SUGCT: variants seen among roughly 807,000 people sequenced by gnomAD.
SUGCT encodes succinyl-CoA:glutarate CoA-transferase.
Under a neutral mutation model 55.0 loss-of-function variants are expected in SUGCT, and 41 were observed. The ratio of observed to expected loss-of-function variants is 0.74; its 90% CI spans 0.58 to 0.97. The LOEUF (loss-of-function observed/expected upper bound fraction) is 0.97. Among genes scored for constraint, SUGCT ranks in the 50% least tolerant of loss-of-function variants. The pLI is 0.00. For synonymous variants in SUGCT, 187 were observed against 200.4 expected, an observed-to-expected ratio of 0.93 and a Z score of 0.56; for missense variants, 568 against 547.8, an observed-to-expected ratio of 1.04 and a Z score of -0.37.
At chr7:40,480,974 T>C (rs2151488043) in intron 11 of SUGCT, among the ~76,000 whole-genome samples, 1 of 152,208 alleles carries the variant, frequency 6.6e-6, no homozygotes, top group South Asian at 2.1e-4. Context: ...TGTAGACACA[T>C]AGATATAATA....
chr7:40,235,625 C>T (rs1230056158), intron 6 of SUGCT, among the ~76,000 whole-genome samples: 1 of 152,080 alleles, frequency 6.6e-6, no homozygotes, highest in Non-Finnish European at 1.5e-5. Context: ...CCGCATCCAG[C>T]CAAAAAATTA....
intron 12 of SUGCT, among the ~76,000 whole-genome samples, chr7:40,646,027 C>T (rs2151831747): frequency 6.6e-6 from 1 of 152,256 alleles, no homozygotes; most frequent in East Asian, 1.9e-4. Flanking sequence ...CCCTTTTCAT[C>T]TTCACCACTA....
intron 6 of SUGCT, among the ~76,000 whole-genome samples, chr7:40,223,261 A>G (rs1285080012): frequency 6.6e-6 from 1 of 152,032 alleles, no homozygotes; most frequent in Non-Finnish European, 1.5e-5. Flanking sequence ...GGGTTTCACC[A>G]TATTGGTCAG....
At chr7:40,483,935 T>C (rs1791194179) in intron 11 of SUGCT, among the ~76,000 whole-genome samples, 1 of 152,224 alleles carries the variant, frequency 6.6e-6, no homozygotes, top group East Asian at 1.9e-4. Context: ...AAAATGTGTC[T>C]AGTTTCTGAC....
chr7:40,219,311 G>A (rs1405968387), intron 6 of SUGCT, among the ~76,000 whole-genome samples: 1 of 152,192 alleles, frequency 6.6e-6, no homozygotes, highest in East Asian at 1.9e-4. Context: ...AATTCTTGAA[G>A]TCAGTGAGAC....
intron 13 of SUGCT, among the ~76,000 whole-genome samples, chr7:40,773,439 A>G (rs1226848835): frequency 2.0e-5 from 3 of 152,078 alleles, no homozygotes; most frequent in Non-Finnish European, 4.4e-5. Context: ...GTATCTTTTT[A>G]TATCATATTA....
intron 8 of SUGCT, among the ~76,000 whole-genome samples, chr7:40,306,666 T>A (rs535675150): frequency 2.6e-5 from 4 of 152,318 alleles, no homozygotes; most frequent in Non-Finnish European, 5.9e-5. Context: ...AAAAAGTATT[T>A]GAAGAAGACA....
intron 8 of SUGCT, among the ~76,000 whole-genome samples, chr7:40,297,193 C>T (rs1794214234): frequency 6.6e-6 from 1 of 152,036 alleles, no homozygotes; most frequent in South Asian, 2.1e-4. Flanking sequence ...TACTACATTC[C>T]TTAGCCATGC....
intron 10 of SUGCT, 74 bp from the exon 11 acceptor site, chr7:40,459,027 C>T: frequency 1.1e-6 from 1 of 917,138 alleles, no homozygotes; most frequent in Non-Finnish European, 1.7e-6. Context: ...GAGATAGGAC[C>T]TGAACACTAG....
intron 11 of SUGCT, among the ~76,000 whole-genome samples, chr7:40,478,150 C>T (rs532757945): frequency 9.9e-5 from 15 of 152,044 alleles, no homozygotes; most frequent in Non-Finnish European, 1.6e-4. Flanking sequence ...TACAGGCATA[C>T]GCCACCATGC....
At position 40,701,591 on chromosome 7, in the gene SUGCT, A is replaced by G. The variant is rs775003779; in HGVS notation, c.1090-47843A>G. On this transcript the variant is annotated intron_variant, in intron 12 of 13. Coordinates refer to ENST00000335693, the MANE Select transcript of SUGCT (RefSeq NM_001193313.2). ...GTTTATGTGGGAACTAGAGAAATACATAGTAGTTAAAGGAATTGTTCATCC... is the reference window on the plus strand; with the variant it reads ...GTTTATGTGGGAACTAGAGAAATACGTAGTAGTTAAAGGAATTGTTCATCC... Among the ~76,000 whole-genome samples, 8 of 152,376 alleles carry G rather than the reference A, an allele frequency of 5.3e-5. No homozygotes were observed. The East Asian group carries it at 7.7e-4, about 15-fold the overall frequency.
At chr7:40,456,378 A>C (rs1386295598) in intron 10 of SUGCT, among the ~76,000 whole-genome samples, 1 of 152,150 alleles carries the variant, frequency 6.6e-6, no homozygotes, top group Admixed American at 6.5e-5. Context: ...TGCATAGAAT[A>C]ATGTCTGCAA....
At chr7:40,998,197 G>A in the SUGCT span, among the ~76,000 whole-genome samples, 15 of 152,164 alleles carry the variant, frequency 9.9e-5, no homozygotes, top group South Asian at 1.0e-3. Flanking sequence ...TGAAACCCCC[G>A]TTTGTACTAA....
chr7:40,355,013 ACCTC>A (rs1797822670), intron 9 of SUGCT, among the ~76,000 whole-genome samples: 1 of 152,094 alleles, frequency 6.6e-6, no homozygotes, highest in Non-Finnish European at 1.5e-5. Flanking sequence ...GGGAAATCGT[ACCTC>A]AGTCATTAGT....
At chr7:40,416,671 G>A (rs930865149) in intron 9 of SUGCT, among the ~76,000 whole-genome samples, 3 of 151,890 alleles carry the variant, frequency 2.0e-5, no homozygotes, top group Non-Finnish European at 4.4e-5. Context: ...GATTTAATTT[G>A]ATAGTATTTT....
At chr7:40,161,819 TTC>T (rs1374020683) in intron 1 of SUGCT, among the ~76,000 whole-genome samples, 7 of 152,306 alleles carry the variant, frequency 4.6e-5, no homozygotes, top group African/African-American at 1.4e-4. Context: ...TGGTTGTGCA[TTC>T]TATAACTGTA....
chr7:40,255,660 C>CAAAAAAAA (rs70996898), intron 7 of SUGCT, among the ~76,000 whole-genome samples: 7 of 54,202 alleles, frequency 1.3e-4, no homozygotes, highest in East Asian at 6.8e-4. Flanking sequence ...GACTCTGTAT[C>CAAAAAAAA]AAAAAAAAAA....
intron 12 of SUGCT, among the ~76,000 whole-genome samples, chr7:40,506,014 AAATC>A (rs1456481924): frequency 1.3e-5 from 2 of 152,126 alleles, no homozygotes; most frequent in Non-Finnish European, 2.9e-5. Context: ...ATTGCTTTTT[AAATC>A]AATCAAGAGA....
At chr7:40,638,278 A>AT (rs1562917950) in intron 12 of SUGCT, among the ~76,000 whole-genome samples, 1 of 152,158 alleles carries the variant, frequency 6.6e-6, no homozygotes, top group South Asian at 2.1e-4. Context: ...CAAGTGGTTT[A>AT]TTTTTTTAAA....
Sources: gnomAD v4.1 joint callset for allele counts (sites outside exome capture counted in the v4.1 genomes callset) on GRCh38, gnomAD v4.1.1 for gene constraint, MANE v1.5 for transcripts, NCBI Gene and HGNC (gene_info 2026-07-23, HGNC 2026-07-21) for gene names.